Variants in CHAF1A observed in about 807,000 individuals in gnomAD.
CHAF1A encodes the protein CAF-1 subunit A.
In CHAF1A, 5 loss-of-function variants were observed where a neutral mutation model predicts 93.2. The ratio of observed to expected loss-of-function variants is 0.05; its 90% CI spans 0.03 to 0.11. The LOEUF is 0.11. Among genes scored for constraint, CHAF1A ranks in the 10% least tolerant of loss-of-function variants. The pLI is 1.00. For synonymous variants in CHAF1A, 504 were observed against 510.3 expected, an observed-to-expected ratio of 0.99 and a Z score of 0.17; for missense variants, 1,102 against 1,259.9, an observed-to-expected ratio of 0.87 and a Z score of 1.90.
chr19:4,445,288 C>T (rs950083784), downstream of CHAF1A: 75 of 759,034 alleles, frequency 9.9e-5, no homozygotes, highest in Middle Eastern at 4.1e-4. Context: ...GCCTCTCCCT[C>T]GGGGGCTTGG....
intron 10 of CHAF1A, 182 bp downstream of exon 10, chr19:4,429,970 A>G: frequency 5.1e-6 from 3 of 590,522 alleles, no homozygotes; most frequent in Non-Finnish European, 8.9e-6. Flanking sequence ...CTCTCGAAAA[A>G]TCTCATCTGG....
intron 13 of CHAF1A, among the ~76,000 whole-genome samples, chr19:4,437,498 G>T (rs1029581452): frequency 6.6e-6 from 1 of 152,040 alleles, no homozygotes; most frequent in Non-Finnish European, 1.5e-5. Flanking sequence ...ATAGAGGCAC[G>T]TGCCACCATG....
chr19:4,418,172 A>C, intron 4 of CHAF1A, 96 bp downstream of exon 4: 2 of 785,590 alleles, frequency 2.5e-6, no homozygotes, highest in South Asian at 3.4e-5. Flanking sequence ...TCTAGTTTTT[A>C]CATTTTCCCC....
At chr19:4,425,763 T>C (rs1019560883) in intron 7 of CHAF1A, among the ~76,000 whole-genome samples, 6 of 152,136 alleles carry the variant, frequency 3.9e-5, no homozygotes, top group Non-Finnish European at 8.8e-5. Flanking sequence ...TAGGACAAAA[T>C]AGCATATTGC....
At chr19:4,446,268 A>G (rs889855416), downstream of CHAF1A, 1 of 1,569,818 alleles carries the variant, frequency 6.4e-7, no homozygotes, top group Non-Finnish European at 8.6e-7. Context: ...CTCCACGGGC[A>G]TCGTTGGTGC....
chr19:4,417,618 G>A (rs900969152), intron 3 of CHAF1A, among the ~76,000 whole-genome samples: 2 of 151,932 alleles, frequency 1.3e-5, no homozygotes, highest in East Asian at 1.9e-4. Flanking sequence ...CTGCCACCAC[G>A]CTCGGCTAAT....
Position 4,433,209 on chromosome 19 carries a change from G to T in CHAF1A, c.2343G>T (p.Leu781=). ...CGCGGAGCCCCTCCACCACCTACCT[G>T]CACACCCCCACCCCCAGCGAGGATG... ...GSPRSPSTTY[L]HTPTPSEDAA... Residue 781 remains leucine (L), a synonymous_variant, in exon 13 of 15, where the codon CTG becomes CTT. Coordinates refer to ENST00000301280, the MANE Select transcript of CHAF1A (RefSeq NM_005483.3). This position sits in a 1 kb window ranked among gnomAD's most constrained non-coding sequence, Gnocchi z 5.6. 6.2e-7 allele frequency: 1 copy of T among 1,614,008 alleles called. No homozygotes were observed. Among genetic ancestry groups the T allele is most frequent in the South Asian group, 1.1e-5 (1 of 91,070 alleles).
At chr19:4,407,650 T>C (rs1473381382) in intron 2 of CHAF1A, among the ~76,000 whole-genome samples, 18 of 152,176 alleles carry the variant, frequency 1.2e-4, no homozygotes, top group Admixed American at 1.2e-3. Flanking sequence ...TTTTGTTTTT[T>C]AAGTTAGGAT....
At chr19:4,450,724 A>ACT in the CHAF1A span, 4 of 122,974 alleles carry the variant, frequency 3.3e-5, no homozygotes, top group African/African-American at 1.2e-4. Context: ...GCGCCACTGC[A>ACT]CTCCAGCCTG....
chr19:4,409,168 G>A lies in CHAF1A; in HGVS notation c.369G>A (p.Ser123=), dbSNP rs145582898. 55 of 1,614,184 alleles carry A rather than the reference G, an allele frequency of 3.4e-5. No homozygotes were observed. Among genetic ancestry groups the A allele is most frequent in the Non-Finnish European group, 4.2e-5 (50 of 1,180,048 alleles). ...STVIIDLTED[S]NEQPDSLVDH... ...TCATCATTGATTTGACAGAGGACTCGAATGAGCAGCCAGACAGTCTTGTGG... is the reference window on the plus strand; with the variant it reads ...TCATCATTGATTTGACAGAGGACTCAAATGAGCAGCCAGACAGTCTTGTGG... The change falls in exon 3 of 15, where the codon TCG becomes TCA. Residue 123 remains serine, a synonymous_variant. Transcript: ENST00000301280.
intron 3 of CHAF1A, among the ~76,000 whole-genome samples, chr19:4,411,820 G>C (rs1251425553): frequency 2.0e-5 from 3 of 150,986 alleles, no homozygotes; most frequent in Admixed American, 6.6e-5. Context: ...GCTAATTTTT[G>C]TATCTTTTCA....
At position 4,431,282 on chromosome 19, in the gene CHAF1A, C is replaced by A. The variant is rs184444541; in HGVS notation, c.1947+641C>A. Among the ~76,000 whole-genome samples, 6 of 152,168 alleles carry A rather than the reference C, an allele frequency of 3.9e-5. No individual in the cohort carries two copies. In the East Asian group the frequency reaches 1.2e-3, roughly 29 times the overall value. On this transcript the variant is annotated intron_variant, in intron 11 of 14. Transcript: ENST00000301280. ...TAGCTGGGACTACAGGCGTGTGCCACCACACCTGGCTAATTTTTGTATTTT... is the reference window on the plus strand; with the variant it reads ...TAGCTGGGACTACAGGCGTGTGCCAACACACCTGGCTAATTTTTGTATTTT...
chr19:4,448,530 C>T, downstream of CHAF1A: 1 of 822,964 alleles, frequency 1.2e-6, no homozygotes, highest in Non-Finnish European at 2.0e-6. Context: ...TGGAGCGGCC[C>T]CAGCTGTGCG....
chr19:4,428,967 G>T lies in CHAF1A; in HGVS notation c.1604+77G>T, dbSNP rs1974132862. On this transcript the variant is annotated intron_variant, in intron 8 of 14. Transcript: ENST00000301280. ...CATCCTGAACCCTGGGGTCCCCGGG[G>T]TGGGAGCTCTGGGTCCTTCTGTTGC... is the stretch of plus-strand genomic sequence containing the variant. The T allele has an allele frequency of 4.8e-6, 6 of 1,255,132 alleles. 1 individual carries two copies. The Admixed American group carries it at 1.2e-4, about 24-fold the overall frequency. The allele number at this position is 1,255,132 out of a possible 1,614,324, so 77.7% of individuals were successfully genotyped here. A position where few individuals can be genotyped will look rare whatever the true frequency, so the allele number is the denominator to read the frequency against.
In CHAF1A at chr19:4,428,855, G is replaced by A. The variant is rs758799950; in HGVS notation, c.1569G>A (p.Thr523=). 8.1e-6 allele frequency: 13 copies of A among 1,613,702 alleles called. No homozygotes were observed. The highest frequency in any genetic ancestry group is 1.6e-4 in the Middle Eastern group (1 of 6,084). Residue 523 remains threonine (T), a synonymous_variant, in exon 8 of 15, where the codon ACG becomes ACA. Coordinates refer to ENST00000301280, the MANE Select transcript of CHAF1A (RefSeq NM_005483.3). ...KGRQPLRSGP[T]HVSTRNADIF... is the part of the protein sequence containing the mutation. ...GGCAGCCCCTGAGGTCCGGACCCAC[G>A]CACGTTTCCACCCGGAATGCAGATA...
chr19:4,404,943 G>A (rs1014337338), intron 1 of CHAF1A, among the ~76,000 whole-genome samples: 1 of 152,066 alleles, frequency 6.6e-6, no homozygotes. Flanking sequence ...GCTTTAAATT[G>A]TGGTACCTTC....
chr19:4,442,192 A>AC, intron 13 of CHAF1A, 53 bp from the exon 14 acceptor site: 1 of 1,493,752 alleles, frequency 6.7e-7, no homozygotes, highest in Non-Finnish European at 9.3e-7. Context: ...CCGCACTGGC[A>AC]CCAGGGTGGC....
At chr19:4,430,088 T>G (rs1285151069) in intron 10 of CHAF1A, 3 of 410,032 alleles carry the variant, frequency 7.3e-6, no homozygotes, top group Non-Finnish European at 1.3e-5. Context: ...CATTTCCTCC[T>G]GACTGCCCAG....
chr19:4,411,665 TGA>T (rs1432657279), intron 3 of CHAF1A, among the ~76,000 whole-genome samples: 16 of 107,378 alleles, frequency 1.5e-4, no homozygotes, highest in East Asian at 3.5e-4. Flanking sequence ...TTTTTTTTTT[TGA>T]GACATGGTCT....
Sources: allele counts gnomAD v4.1 joint callset (sites outside exome capture counted in the v4.1 genomes callset), GRCh38; gene constraint gnomAD v4.1.1; non-coding constraint Gnocchi (gnomAD v3.1); transcripts MANE v1.5; gene names NCBI Gene and HGNC (gene_info 2026-07-23, HGNC 2026-07-21).